Variants in N4BP2 observed in about 807,000 individuals in gnomAD.
N4BP2 encodes the protein NEDD4-binding protein 2.
In N4BP2, 91 loss-of-function variants were observed where a neutral mutation model predicts 152.8. The observed-to-expected ratio is 0.60, with a 90% CI of 0.50 to 0.71. The LOEUF is 0.71. Among genes scored for constraint, N4BP2 ranks in the 30% least tolerant of loss-of-function variants. The probability of loss-of-function intolerance (pLI) is 0.00; values close to 1 mark genes in which losing one functional copy is unlikely to be tolerated. For synonymous variants in N4BP2, 646 were observed against 705.3 expected (o/e 0.92, Z 1.33); for missense variants, 1,923 against 2,059.1 (o/e 0.93, Z 1.28).
chr4:40,074,618 C>T (rs531841926), intron 2 of N4BP2, among the ~76,000 whole-genome samples: 4 of 152,254 alleles, frequency 2.6e-5, no homozygotes, highest in South Asian at 2.1e-4. Flanking sequence ...AAAGAGCTTT[C>T]GTGGTATAAG....
chr4:40,081,851 G>A (rs1713400829), intron 2 of N4BP2, among the ~76,000 whole-genome samples: 1 of 151,606 alleles, frequency 6.6e-6, no homozygotes, highest in African/African-American at 2.4e-5. Flanking sequence ...TGTGGCTCAC[G>A]CCTGTAATCC....
the N4BP2 span, among the ~76,000 whole-genome samples, chr4:40,170,378 G>A: frequency 6.6e-6 from 1 of 151,904 alleles, no homozygotes; most frequent in Non-Finnish European, 1.5e-5. Flanking sequence ...CAGCACTTTG[G>A]GAGACTGACG....
At chr4:40,084,843 G>A (rs575030867) in intron 2 of N4BP2, among the ~76,000 whole-genome samples, 216 of 149,990 alleles carry the variant, frequency 1.4e-3, no homozygotes, top group Middle Eastern at 3.6e-3. Flanking sequence ...TTGAACTCCC[G>A]ACCTCAGGTG....
intron 1 of N4BP2, among the ~76,000 whole-genome samples, chr4:40,064,484 A>G (rs1733887142): frequency 6.6e-6 from 1 of 152,080 alleles, no homozygotes; most frequent in Non-Finnish European, 1.5e-5. Flanking sequence ...CATGTTGGTC[A>G]GGCTGGTCTC....
chr4:40,144,355 G>A (rs1207476490), intron 15 of N4BP2, among the ~76,000 whole-genome samples: 2 of 152,168 alleles, frequency 1.3e-5, no homozygotes, highest in Non-Finnish European at 2.9e-5. Flanking sequence ...ACTGTCACAT[G>A]TGAGGATCGT....
chr4:40,105,325 AT>A (rs34758221), intron 4 of N4BP2, among the ~76,000 whole-genome samples: 22,160 of 136,852 alleles, frequency 0.16, 1,954 homozygotes, highest in Admixed American at 0.24. Flanking sequence ...TGTAGTTACA[AT>A]TTTTTTTTTT....
At chr4:40,177,366 A>G in the N4BP2 span, among the ~76,000 whole-genome samples, 2 of 152,190 alleles carry the variant, frequency 1.3e-5, no homozygotes, top group Admixed American at 1.3e-4. Flanking sequence ...CTGTAATACC[A>G]GCACTTTGGG....
intron 11 of N4BP2, among the ~76,000 whole-genome samples, chr4:40,124,856 C>T (rs1456218401): frequency 6.6e-6 from 1 of 152,096 alleles, no homozygotes; most frequent in Non-Finnish European, 1.5e-5. Context: ...TGATCAAGAA[C>T]ATCATTGAAA....
rs2109298391 is a variant in N4BP2 at position 40,156,135 on chromosome 4, T to C, written c.*1898T>C. 1 of 152,342 alleles carries C rather than the reference T, an allele frequency of 6.6e-6. No homozygotes were observed. Among genetic ancestry groups the C allele is most frequent in the South Asian group, 2.1e-4 (1 of 4,826 alleles). 9.4% of individuals were successfully genotyped at this position (152,342 alleles called of 1,614,324 possible). The stretch of plus-strand genomic sequence containing the variant: ...ATTCCTATGTATACATTAGTATGAT[T>C]TAAGGGTATGAAAAACAGTGCTAAA... On this transcript the variant is annotated 3_prime_UTR_variant, in exon 18 of 18. Transcript: ENST00000261435.
At chr4:40,168,158 G>T in the N4BP2 span, among the ~76,000 whole-genome samples, 1 of 151,392 alleles carries the variant, frequency 6.6e-6, no homozygotes, top group Non-Finnish European at 1.5e-5. Context: ...ATAAAGAAAA[G>T]GAAAAAAGAA....
chr4:40,186,156 G>A, the N4BP2 span, among the ~76,000 whole-genome samples: 1 of 152,056 alleles, frequency 6.6e-6, no homozygotes, highest in East Asian at 1.9e-4. Context: ...GAGTCTGTCT[G>A]GAAGTTTGAA....
At chr4:40,171,988 C>T in the N4BP2 span, among the ~76,000 whole-genome samples, 2 of 152,194 alleles carry the variant, frequency 1.3e-5, no homozygotes, top group African/African-American at 2.4e-5. Context: ...CTCACTGCAA[C>T]CTCCACCTCC....
the N4BP2 span, among the ~76,000 whole-genome samples, chr4:40,169,700 C>T: frequency 6.7e-6 from 1 of 148,188 alleles, no homozygotes; most frequent in South Asian, 2.1e-4. Flanking sequence ...TGTGGTGGCT[C>T]TCGCTTGTAA....
At chr4:40,057,298 G>A (rs1301728273) in intron 1 of N4BP2, 1 of 152,504 alleles carries the variant, frequency 6.6e-6, no homozygotes, top group East Asian at 1.9e-4. Context: ...CGGGGGCCGC[G>A]GCCGCTTCCT....
intron 6 of N4BP2, 86 bp from the exon 7 acceptor site, chr4:40,113,346 G>A (rs1417643448): frequency 1.3e-5 from 13 of 992,226 alleles, no homozygotes; most frequent in African/African-American, 4.9e-5. Flanking sequence ...TAATCTTTAC[G>A]TTTTACATGC....
intron 13 of N4BP2, among the ~76,000 whole-genome samples, chr4:40,132,564 T>G (rs114136661): frequency 5.6e-4 from 85 of 152,226 alleles, no homozygotes; most frequent in African/African-American, 2.0e-3. Flanking sequence ...GGACTTTAAT[T>G]CCATTGAGCT....
chr4:40,105,155 T>G (rs1043997053), intron 4 of N4BP2, among the ~76,000 whole-genome samples: 1 of 151,940 alleles, frequency 6.6e-6, no homozygotes, highest in Non-Finnish European at 1.5e-5. Context: ...AGGAAAACGA[T>G]GAGTGGAAAA....
chr4:40,119,284 G>C (rs1396728901), intron 8 of N4BP2, among the ~76,000 whole-genome samples: 2 of 152,104 alleles, frequency 1.3e-5, no homozygotes, highest in Non-Finnish European at 2.9e-5. Context: ...TGCGAGAGTT[G>C]GGACTTCGAG....
the N4BP2 span, among the ~76,000 whole-genome samples, chr4:40,176,511 C>T: frequency 6.6e-6 from 1 of 152,254 alleles, no homozygotes; most frequent in African/African-American, 2.4e-5. Flanking sequence ...GACAAAAGTA[C>T]TCCCGAGGTG....
Sources: allele counts gnomAD v4.1 joint callset (sites outside exome capture counted in the v4.1 genomes callset), GRCh38; gene constraint gnomAD v4.1.1; transcripts MANE v1.5; gene names NCBI Gene and HGNC (gene_info 2026-07-23, HGNC 2026-07-21).